HERC5: variants seen among roughly 807,000 people sequenced by gnomAD.
HERC5 encodes HECT and RLD domain containing E3 ubiquitin protein ligase 5, also known as E3 ISG15--protein ligase HERC5.
In HERC5, 99 loss-of-function variants were observed where a neutral mutation model predicts 119.6. The observed-to-expected ratio is 0.83, with a 90% CI of 0.70 to 0.98. HERC5 has a LOEUF of 0.98. Ranked by LOEUF, HERC5 falls within the 50% of genes least tolerant of loss-of-function variation. HERC5 has a pLI of 0.00. For missense variants in HERC5, 1,267 were observed against 1,241.3 expected, an observed-to-expected ratio of 1.02 and a Z score of -0.31; for synonymous variants, 478 against 445.9, an observed-to-expected ratio of 1.07 and a Z score of -0.91.
At chr4:88,500,628 A>G (rs1039296756) in intron 19 of HERC5, among the ~76,000 whole-genome samples, 19 of 152,256 alleles carry the variant, frequency 1.2e-4, no homozygotes, top group African/African-American at 4.6e-4. Context: ...TAAATCTACC[A>G]TACTGGGTCT....
At chr4:88,502,472 G>A (rs1741973953) in intron 20 of HERC5, among the ~76,000 whole-genome samples, 1 of 152,156 alleles carries the variant, frequency 6.6e-6, no homozygotes, top group South Asian at 2.1e-4. Context: ...CCAGGGTCAG[G>A]GTTCTCATGC....
chr4:88,461,159 C>T (rs1163704341), intron 3 of HERC5, among the ~76,000 whole-genome samples: 1 of 152,116 alleles, frequency 6.6e-6, no homozygotes, highest in South Asian at 2.1e-4. Flanking sequence ...GAGTATTTGA[C>T]CTTCATTGCA....
At position 88,457,540 on chromosome 4, in the gene HERC5, TG is replaced by T; in HGVS notation, c.265+10del. 7.9e-7 allele frequency: 1 copy of T among 1,261,052 alleles called. No individual in the cohort carries two copies. Among genetic ancestry groups the T allele is most frequent in the Non-Finnish European group, 1.0e-6 (1 of 1,003,010 alleles). 78.1% of individuals were successfully genotyped at this position (1,261,052 alleles called of 1,614,324 possible). On this transcript the variant is annotated splice_region_variant and intron_variant, in intron 1 of 22. Coordinates refer to ENST00000264350, the MANE Select transcript of HERC5 (RefSeq NM_016323.4). Reference sequence around the variant, plus strand: ...CGGCGGCGCCCGGACGCCGAGTGAGTGGGGCTGGTGTGTGAGGGCTGTGAGG... The same window carrying T: ...CGGCGGCGCCCGGACGCCGAGTGAGTGGGCTGGTGTGTGAGGGCTGTGAGG...
chr4:88,485,833 TG>T (rs985184966), intron 13 of HERC5, among the ~76,000 whole-genome samples: 5 of 151,766 alleles, frequency 3.3e-5, no homozygotes, highest in Admixed American at 6.6e-5. Context: ...GATATTGCAT[TG>T]TTTTTTTTTT....
chr4:88,496,566 C>G (rs1160438147), intron 18 of HERC5, among the ~76,000 whole-genome samples: 80 of 152,054 alleles, frequency 5.3e-4, no homozygotes, highest in Non-Finnish European at 1.2e-4. Context: ...ATAAATGGAA[C>G]TGGAAAAAAA....
At chr4:88,500,881 T>G in intron 19 of HERC5, 34 bp from the exon 20 acceptor site, 4 of 1,480,926 alleles carry the variant, frequency 2.7e-6, no homozygotes, top group South Asian at 1.2e-5. Flanking sequence ...AGAATTATGT[T>G]GGAGATATTA....
At chr4:88,495,403 A>G (rs1473160368) in intron 18 of HERC5, among the ~76,000 whole-genome samples, 1 of 151,970 alleles carries the variant, frequency 6.6e-6, no homozygotes, top group Non-Finnish European at 1.5e-5. Context: ...AACAAACAAA[A>G]ACAACAAAAA....
chr4:88,492,945 A>ATAGC, intron 16 of HERC5, 67 bp from the exon 17 acceptor site: 1 of 1,476,912 alleles, frequency 6.8e-7, no homozygotes, highest in Admixed American at 1.9e-5. Context: ...TACTATTATT[A>ATAGC]AATGAGACTT....
At position 88,476,340 on chromosome 4, in the gene HERC5, C is replaced by T. The variant is rs189571454; in HGVS notation, c.1582+310C>T. ...TATACCATATGCAATAAATGGTACA[C>T]CTTGCTGGAGTGCAGTGGTACAGTC... is the stretch of plus-strand genomic sequence containing the variant. On this transcript the variant is annotated intron_variant, in intron 12 of 22. Transcript: ENST00000264350. 3.9e-5 allele frequency among the ~76,000 whole-genome samples: 6 copies of T among 152,246 alleles called. No homozygotes were observed. In the East Asian group the frequency reaches 7.7e-4, roughly 20 times the overall value.
Position 88,469,272 on chromosome 4 carries a change from A to G in HERC5, c.1238+12A>G, listed in dbSNP as rs368351629. ...CAGAGCACAAAAAGGTACACCCCAC[A>G]GTCTGACTCTCTGCTTATATATCAC... On this transcript the variant is annotated intron_variant, in intron 9 of 22. Coordinates refer to ENST00000264350, the MANE Select transcript of HERC5 (RefSeq NM_016323.4). 152 of 1,544,686 alleles carry G rather than the reference A, an allele frequency of 9.8e-5. No individual in the cohort carries two copies. Among genetic ancestry groups the G allele is most frequent in the Non-Finnish European group, 1.3e-4 (149 of 1,117,018 alleles).
At chr4:88,487,209 T>TGTGATTTATGCTAATG in intron 15 of HERC5, 30 bp downstream of exon 15, 5 of 1,240,154 alleles carry the variant, frequency 4.0e-6, no homozygotes, top group Non-Finnish European at 4.7e-6. Flanking sequence ...TTCATTAGCA[T>TGTGATTTATGCTAATG]AAATCACATG....
At chr4:88,504,870 A>G (rs943201766) in intron 22 of HERC5, among the ~76,000 whole-genome samples, 1 of 152,178 alleles carries the variant, frequency 6.6e-6, no homozygotes, top group African/African-American at 2.4e-5. Context: ...CCCTGTCATC[A>G]TTCACTTATT....
intron 4 of HERC5, among the ~76,000 whole-genome samples, chr4:88,463,206 T>C (rs1311611183): frequency 6.6e-6 from 1 of 152,238 alleles, no homozygotes; most frequent in African/African-American, 2.4e-5. Context: ...GGAATTGCTA[T>C]GTTCATTAAA....
intron 18 of HERC5, among the ~76,000 whole-genome samples, chr4:88,494,744 C>G (rs927606218): frequency 1.3e-5 from 2 of 152,222 alleles, no homozygotes; most frequent in Non-Finnish European, 2.9e-5. Context: ...CATATCCCTG[C>G]TGTGTAAAGC....
In HERC5 at chr4:88,457,621, C is replaced by T. The variant is rs1020667727; in HGVS notation, c.265+87C>T. 3.3e-6 allele frequency: 4 copies of T among 1,201,378 alleles called. No homozygotes were observed. The African/African-American group carries it at 6.3e-5, about 19-fold the overall frequency. 74.4% of individuals were successfully genotyped at this position (1,201,378 alleles called of 1,614,324 possible). Reference sequence around the variant, plus strand: ...AGGGGCGGGCAGCCGGGGGTCCGCGCCTGAGGGAGGAGAGCCCAGAAGGCC... The same window carrying T: ...AGGGGCGGGCAGCCGGGGGTCCGCGTCTGAGGGAGGAGAGCCCAGAAGGCC... On this transcript the variant is annotated intron_variant, in intron 1 of 22. Transcript: ENST00000264350.
chr4:88,470,900 C>T (rs1238512160), intron 10 of HERC5, among the ~76,000 whole-genome samples: 2 of 151,364 alleles, frequency 1.3e-5, no homozygotes, highest in Admixed American at 6.6e-5. Flanking sequence ...CTAGCACTTA[C>T]GTATATGATT....
chr4:88,476,271 T>C (rs1022262777), intron 12 of HERC5, among the ~76,000 whole-genome samples: 1 of 152,244 alleles, frequency 6.6e-6, no homozygotes, highest in Non-Finnish European at 1.5e-5. Context: ...TTTCCAACTT[T>C]TCACTATGAA....
chr4:88,466,002 C>A lies in HERC5; in HGVS notation c.912-1057C>A, dbSNP rs145662907. 2.4e-4 allele frequency among the ~76,000 whole-genome samples: 37 copies of A among 151,846 alleles called. 1 individual carries two copies. Among genetic ancestry groups the A allele is most frequent in the African/African-American group, 7.0e-4 (29 of 41,398 alleles). On this transcript the variant is annotated intron_variant, in intron 6 of 22. Coordinates refer to ENST00000264350, the MANE Select transcript of HERC5 (RefSeq NM_016323.4). ...TTTTCTGGTTTTTTTATTTTGGAGA[C>A]AGGGTACAGGATGTACATAATCTGC... is the stretch of plus-strand genomic sequence containing the variant.
chr4:88,497,074 G>C (rs1741815273), intron 18 of HERC5, among the ~76,000 whole-genome samples: 1 of 152,156 alleles, frequency 6.6e-6, no homozygotes, highest in Admixed American at 6.5e-5. Flanking sequence ...GTACTTCCAA[G>C]CCTCCAGAAC....
Sources: allele counts gnomAD v4.1 joint callset (sites outside exome capture counted in the v4.1 genomes callset), GRCh38; gene constraint gnomAD v4.1.1; transcripts MANE v1.5; gene names NCBI Gene and HGNC (gene_info 2026-07-23, HGNC 2026-07-21).